ASXL3: variants seen among roughly 807,000 people sequenced by gnomAD.
The protein encoded by ASXL3 is putative Polycomb group protein ASXL3.
In ASXL3, 34 loss-of-function variants were observed where a neutral mutation model predicts 170.6. That is an observed-to-expected ratio of 0.20 (90% CI 0.15 to 0.27). ASXL3 has a LOEUF of 0.27. ASXL3 is among the 10% of genes least tolerant of loss of function. The pLI is 1.00. For synonymous variants in ASXL3, 1,002 were observed against 989.1 expected (o/e 1.01, Z -0.24); for missense variants, 2,592 against 2,695.3 (o/e 0.96, Z 0.85).
intron 5 of ASXL3, among the ~76,000 whole-genome samples, chr18:33,664,890 G>A (rs574485742): frequency 1.0e-3 from 156 of 152,256 alleles, no homozygotes; most frequent in African/African-American, 3.6e-3. Flanking sequence ...TCCTCAAAAC[G>A]TTAGTTAACA....
At chr18:33,675,953 C>T (rs745982258) in intron 7 of ASXL3, among the ~76,000 whole-genome samples, 4 of 151,952 alleles carry the variant, frequency 2.6e-5, no homozygotes, top group Non-Finnish European at 4.4e-5. Context: ...TGGCTGGGTG[C>T]AGTGGCTCAC....
At chr18:33,656,079 A>C (rs1025626029) in intron 4 of ASXL3, among the ~76,000 whole-genome samples, 1 of 152,050 alleles carries the variant, frequency 6.6e-6, no homozygotes, top group Admixed American at 6.6e-5. Flanking sequence ...CAACTGAATG[A>C]TTCATCAATA....
chr18:33,734,944 C>T (rs1443173793), intron 10 of ASXL3, among the ~76,000 whole-genome samples: 1 of 152,030 alleles, frequency 6.6e-6, no homozygotes, highest in Non-Finnish European at 1.5e-5. Context: ...GTGACATGAG[C>T]GTTTACATCA....
chr18:33,589,290 G>A (rs551225653), intron 1 of ASXL3, among the ~76,000 whole-genome samples: 5 of 152,144 alleles, frequency 3.3e-5, no homozygotes, highest in South Asian at 2.1e-4. Flanking sequence ...TGTGTCTGAC[G>A]TTATAAGATG....
intron 4 of ASXL3, among the ~76,000 whole-genome samples, chr18:33,655,995 A>C (rs1342710275): frequency 1.3e-5 from 2 of 152,000 alleles, no homozygotes; most frequent in Non-Finnish European, 2.9e-5. Flanking sequence ...CAGGTATTCT[A>C]TCTTTTTCAC....
At chr18:33,591,367 A>G (rs1183422261) in intron 1 of ASXL3, among the ~76,000 whole-genome samples, 1 of 152,196 alleles carries the variant, frequency 6.6e-6, no homozygotes, top group Non-Finnish European at 1.5e-5. Context: ...AGTTGCTACT[A>G]TTTAAAGAGA....
chr18:33,652,349 T>C (rs1254079587), intron 4 of ASXL3, among the ~76,000 whole-genome samples: 1 of 152,008 alleles, frequency 6.6e-6, no homozygotes, highest in Non-Finnish European at 1.5e-5. Flanking sequence ...CAGTCTTCGC[T>C]CTCTTCATCC....
chr18:33,741,681 G>A (rs993512521), intron 11 of ASXL3, among the ~76,000 whole-genome samples: 3 of 152,104 alleles, frequency 2.0e-5, no homozygotes, highest in Non-Finnish European at 4.4e-5. Context: ...ATCCATCAAA[G>A]TTCCAAAGCA....
At position 33,743,198 on chromosome 18, in the gene ASXL3, G is replaced by A. The variant is rs200723688; in HGVS notation, c.3350G>A (p.Arg1117Gln). The A allele has an allele frequency of 1.8e-4, 287 of 1,613,914 alleles. No homozygotes were observed. Among genetic ancestry groups the A allele is most frequent in the Non-Finnish European group, 2.3e-4 (271 of 1,179,878 alleles). The change falls in exon 12 of 12, where the codon CGA becomes CAA. Residue 1117 changes from arginine to glutamine, a missense_variant. Physicochemically the swap from Arg to Gln is conservative, Grantham distance 43 (BLOSUM62 1). This residue lies in a region of ASXL3 where 2,246 missense variants were observed against 2,219.6 expected (regional missense o/e 1.01). Transcript: ENST00000269197. ...KAKLFAKHQA[R>Q]AHLFQTSKET... Reference sequence around the variant, plus strand: ...AAGCTCTTTGCAAAGCATCAAGCTCGAGCCCATCTCTTCCAGACCTCTAAA... The same window carrying A: ...AAGCTCTTTGCAAAGCATCAAGCTCAAGCCCATCTCTTCCAGACCTCTAAA...
At chr18:33,692,536 G>T (rs1403940182) in intron 8 of ASXL3, among the ~76,000 whole-genome samples, 2 of 152,066 alleles carry the variant, frequency 1.3e-5, no homozygotes, top group Non-Finnish European at 2.9e-5. Flanking sequence ...AGCTTTTCTT[G>T]CCTCCCCTCC....
At chr18:33,590,733 A>G (rs1465649004) in intron 1 of ASXL3, among the ~76,000 whole-genome samples, 1 of 152,166 alleles carries the variant, frequency 6.6e-6, no homozygotes, top group Non-Finnish European at 1.5e-5. Context: ...ACTGAAACCT[A>G]CTTTCCTGAT....
chr18:33,744,888 A>G lies in ASXL3; in HGVS notation c.5040A>G (p.Arg1680=). The part of the protein sequence containing the change: ...SELHEADKGF[R]MDTEDFPGPE... ...TTCACGAAGCAGACAAGGGCTTTAGAATGGACACTGAAGACTTCCCTGGCC... is the reference window on the plus strand; with the variant it reads ...TTCACGAAGCAGACAAGGGCTTTAGGATGGACACTGAAGACTTCCCTGGCC... Residue 1680 remains arginine (R), a synonymous_variant, in exon 12 of 12, where the codon AGA becomes AGG. Transcript: ENST00000269197. 1 of 1,614,030 alleles carries G rather than the reference A, an allele frequency of 6.2e-7. No homozygotes were observed. The highest frequency in any genetic ancestry group is 8.5e-7 in the Non-Finnish European group (1 of 1,179,904).
At chr18:33,604,911 A>T (rs1222117338) in intron 1 of ASXL3, among the ~76,000 whole-genome samples, 1 of 152,026 alleles carries the variant, frequency 6.6e-6, no homozygotes, top group Non-Finnish European at 1.5e-5. Context: ...GAGGGGGCAG[A>T]TGTTAATATT....
In ASXL3 at chr18:33,744,570, T is replaced by A. The variant is rs2067735394; in HGVS notation, c.4722T>A (p.Ala1574=). 1 of 1,611,420 alleles carries A rather than the reference T, an allele frequency of 6.2e-7. No individual in the cohort carries two copies. The highest frequency in any genetic ancestry group is 1.1e-5 in the South Asian group (1 of 90,690). ...CAGATAAATTAAATGAGCCGACTGCTCCCAGTCATAACTTTGCTGAGCAGG... is the reference window on the plus strand; with the variant it reads ...CAGATAAATTAAATGAGCCGACTGCACCCAGTCATAACTTTGCTGAGCAGG... ...LVPDKLNEPT[A]PSHNFAEQAR... The change falls in exon 12 of 12, where the codon GCT becomes GCA. Residue 1574 remains alanine (A), a synonymous_variant. Transcript: ENST00000269197.
chr18:33,688,196 C>T (rs1424709906), intron 8 of ASXL3, among the ~76,000 whole-genome samples: 2 of 152,082 alleles, frequency 1.3e-5, no homozygotes, highest in Non-Finnish European at 2.9e-5. Flanking sequence ...ACCCAGTACG[C>T]CTGTCCTTGG....
chr18:33,694,324 T>C (rs867928167), intron 8 of ASXL3, among the ~76,000 whole-genome samples: 10 of 152,160 alleles, frequency 6.6e-5, no homozygotes, highest in Admixed American at 4.6e-4. Context: ...AATTTGTACT[T>C]TATAAAATGT....
intron 4 of ASXL3, among the ~76,000 whole-genome samples, chr18:33,660,656 T>A (rs1388602277): frequency 1.3e-5 from 2 of 152,162 alleles, no homozygotes; most frequent in Non-Finnish European, 2.9e-5. Context: ...CTTTGACATA[T>A]GCCTCCATTC....
At chr18:33,608,968 G>C (rs1169456332) in intron 2 of ASXL3, 3 of 923,676 alleles carry the variant, frequency 3.2e-6, no homozygotes, top group Non-Finnish European at 3.9e-6. Flanking sequence ...TTTTTATTTT[G>C]GAGACTTTTT....
intron 8 of ASXL3, 79 bp from the exon 9 acceptor site, chr18:33,731,888 CA>C: frequency 9.1e-7 from 1 of 1,097,214 alleles, no homozygotes; most frequent in South Asian, 1.4e-5. Context: ...CAACACCACT[CA>C]ATTTTTGCTT....
Sources: allele counts gnomAD v4.1 joint callset (sites outside exome capture counted in the v4.1 genomes callset), GRCh38; gene constraint gnomAD v4.1.1; regional missense constraint gnomAD v4.1.1; transcripts MANE v1.5; gene names NCBI Gene and HGNC (gene_info 2026-07-23, HGNC 2026-07-21).